Variants in FAF1 observed in about 807,000 individuals in gnomAD.
FAF1 encodes Fas associated factor 1, also known as FAS-associated factor 1.
A neutral mutation model predicts 92.5 loss-of-function variants in FAF1; 25 were observed. That is an observed-to-expected ratio of 0.27 (90% CI 0.20 to 0.38). The LOEUF (loss-of-function observed/expected upper bound fraction) is 0.38. Ranked by LOEUF, FAF1 falls within the 10% of genes least tolerant of loss-of-function variation. The pLI is 1.00. For synonymous variants in FAF1, 234 were observed against 273.2 expected, an observed-to-expected ratio of 0.86 and a Z score of 1.42; for missense variants, 636 against 793.3, an observed-to-expected ratio of 0.80 and a Z score of 2.38.
At chr1:50,884,881 A>G (rs1046009749) in intron 1 of FAF1, among the ~76,000 whole-genome samples, 1 of 152,168 alleles carries the variant, frequency 6.6e-6, no homozygotes, top group Non-Finnish European at 1.5e-5. Flanking sequence ...AGAATTTAGC[A>G]GTTGAGACCA....
In FAF1 at chr1:50,521,178, A is replaced by G. The variant is rs183906603; in HGVS notation, c.1494+14191T>C. Among the ~76,000 whole-genome samples, 240 of 152,246 alleles carry G rather than the reference A, an allele frequency of 1.6e-3. 1 individual carries two copies. Among genetic ancestry groups the G allele is most frequent in the African/African-American group, 5.7e-3 (235 of 41,540 alleles). On this transcript the variant is annotated intron_variant, in intron 15 of 18. Coordinates refer to ENST00000396153, the MANE Select transcript of FAF1 (RefSeq NM_007051.3). ...CATACTTATTGCTTTTTATGGTGAG[A>G]ACTCACACTATTTTTTTAATGTCCC...
Position 50,584,701 on chromosome 1 carries a change from C to T in FAF1, c.951G>A (p.Leu317=), listed in dbSNP as rs770635020. 1.2e-6 allele frequency: 2 copies of T among 1,613,252 alleles called. No individual in the cohort carries two copies. The highest frequency in any genetic ancestry group is 2.7e-5 in the African/African-American group (2 of 74,884). Residue 317 remains leucine (L), a synonymous_variant, in exon 10 of 19, where the codon TTG becomes TTA. Coordinates refer to ENST00000396153, the MANE Select transcript of FAF1 (RefSeq NM_007051.3). Reference sequence around the variant, plus strand: ...AATACTCACTCATTGGAGATTTTCTCAAGGCAGATGACGCCATGCCAAATA... The same window carrying T: ...AATACTCACTCATTGGAGATTTTCTTAAGGCAGATGACGCCATGCCAAATA... ...GEVFGMASSA[L]RKSPMMPENA...
rs1459807040 is a variant in FAF1 at position 50,616,843 on chromosome 1, G to A, written c.745-20627C>T. ...TTACAAGCATGCGCCACCATGCCCA[G>A]CTAATTTTTGTATTTTTAGTAGAGT... On this transcript the variant is annotated intron_variant, in intron 8 of 18. Coordinates refer to ENST00000396153, the MANE Select transcript of FAF1 (RefSeq NM_007051.3). 2.0e-5 allele frequency among the ~76,000 whole-genome samples: 3 copies of A among 152,100 alleles called. No individual in the cohort carries two copies. In the East Asian group the frequency reaches 5.8e-4, roughly 29 times the overall value.
At chr1:50,828,370 G>A (rs1024938417) in intron 2 of FAF1, among the ~76,000 whole-genome samples, 13 of 151,358 alleles carry the variant, frequency 8.6e-5, no homozygotes, top group African/African-American at 2.7e-4. Context: ...CTGGGTTCAC[G>A]CCATTCTCCT....
intron 1 of FAF1, among the ~76,000 whole-genome samples, chr1:50,890,585 T>C (rs1322716062): frequency 1.3e-5 from 2 of 152,208 alleles, no homozygotes; most frequent in Non-Finnish European, 2.9e-5. Context: ...AGCATTTGCT[T>C]GTCTATAAAG....
chr1:50,548,498 C>T (rs1021144457), intron 13 of FAF1, among the ~76,000 whole-genome samples: 9 of 152,176 alleles, frequency 5.9e-5, no homozygotes, highest in Non-Finnish European at 1.2e-4. Flanking sequence ...ACAATGTTGA[C>T]CATACAATCT....
intron 6 of FAF1, among the ~76,000 whole-genome samples, chr1:50,708,508 T>C (rs1440436515): frequency 6.6e-6 from 1 of 151,236 alleles, no homozygotes; most frequent in African/African-American, 2.4e-5. Context: ...TTTTGAGATG[T>C]CTATTAGACA....
At chr1:50,803,506 TC>T (rs1472425380) in intron 2 of FAF1, among the ~76,000 whole-genome samples, 1 of 152,158 alleles carries the variant, frequency 6.6e-6, no homozygotes, top group Non-Finnish European at 1.5e-5. Flanking sequence ...GCCACAAAAG[TC>T]CTACCTTTTT....
intron 7 of FAF1, among the ~76,000 whole-genome samples, chr1:50,655,840 C>T (rs984369142): frequency 6.6e-6 from 1 of 151,898 alleles, no homozygotes; most frequent in Non-Finnish European, 1.5e-5. Flanking sequence ...GGGCAAAGTA[C>T]GATTATACAT....
At chr1:50,714,587 C>T (rs1658096733) in intron 6 of FAF1, among the ~76,000 whole-genome samples, 1 of 152,076 alleles carries the variant, frequency 6.6e-6, no homozygotes, top group South Asian at 2.1e-4. Context: ...GACGCTGGAG[C>T]TGGGTATCAG....
intron 2 of FAF1, among the ~76,000 whole-genome samples, chr1:50,847,083 C>A (rs1427510535): frequency 6.6e-6 from 1 of 152,098 alleles, no homozygotes; most frequent in Non-Finnish European, 1.5e-5. Flanking sequence ...GTTTTCATTT[C>A]TTTGTCAGTG....
chr1:50,703,396 G>A (rs1266276762), intron 7 of FAF1, among the ~76,000 whole-genome samples: 1 of 152,028 alleles, frequency 6.6e-6, no homozygotes, highest in Non-Finnish European at 1.5e-5. Context: ...TCCATCACAG[G>A]TGTTGCACAA....
intron 4 of FAF1, among the ~76,000 whole-genome samples, chr1:50,781,841 C>G (rs1661190962): frequency 6.6e-6 from 1 of 152,128 alleles, no homozygotes. Context: ...TAAACAATAA[C>G]AGAAGGAAAA....
intron 2 of FAF1, among the ~76,000 whole-genome samples, chr1:50,802,092 ATTC>A (rs1472884080): frequency 6.6e-6 from 1 of 151,052 alleles, no homozygotes; most frequent in Non-Finnish European, 1.5e-5. Context: ...TATGATTACT[ATTC>A]TTTTTTTTTT....
chr1:50,502,075 T>G (rs972657184), intron 15 of FAF1, among the ~76,000 whole-genome samples: 1 of 152,196 alleles, frequency 6.6e-6, no homozygotes, highest in Non-Finnish European at 1.5e-5. Flanking sequence ...TCTGTTGTAA[T>G]GTAACTATTT....
intron 1 of FAF1, among the ~76,000 whole-genome samples, chr1:50,886,031 C>T (rs1317800926): frequency 6.6e-6 from 1 of 152,132 alleles, no homozygotes; most frequent in East Asian, 1.9e-4. Flanking sequence ...TTATATCTTC[C>T]TGTACTGTCT....
At chr1:50,853,458 T>C (rs1256059951) in intron 2 of FAF1, among the ~76,000 whole-genome samples, 2 of 152,094 alleles carry the variant, frequency 1.3e-5, no homozygotes, top group African/African-American at 4.8e-5. Flanking sequence ...GTTTCACTCT[T>C]GTAGGTTGAA....
intron 3 of FAF1, among the ~76,000 whole-genome samples, chr1:50,794,634 T>G (rs941179471): frequency 1.3e-5 from 2 of 152,186 alleles, no homozygotes; most frequent in African/African-American, 2.4e-5. Context: ...TTTTGTTTGT[T>G]TGTTTGGAGA....
At chr1:50,917,372 C>T (rs1004322045) in intron 1 of FAF1, among the ~76,000 whole-genome samples, 1 of 151,928 alleles carries the variant, frequency 6.6e-6, no homozygotes, top group Non-Finnish European at 1.5e-5. Context: ...TTTTTAATTC[C>T]GAGCAAGAAC....
Sources: gnomAD v4.1 joint callset for allele counts (sites outside exome capture counted in the v4.1 genomes callset) on GRCh38, gnomAD v4.1.1 for gene constraint, MANE v1.5 for transcripts, NCBI Gene and HGNC (gene_info 2026-07-23, HGNC 2026-07-21) for gene names.